The following PPIP5K2 variants were observed in gnomAD, a reference collection of about 807,000 sequenced individuals.
PPIP5K2 encodes the protein diphosphoinositol pentakisphosphate kinase 2, also known as inositol hexakisphosphate and diphosphoinositol-pentakisphosphate kinase 2.
Under a neutral mutation model 154.6 loss-of-function variants are expected in PPIP5K2, and 105 were observed. The observed-to-expected ratio is 0.68, with a 90% CI of 0.58 to 0.80. PPIP5K2 has a LOEUF of 0.80. Ranked by LOEUF, PPIP5K2 falls within the 30% of genes least tolerant of loss-of-function variation. The pLI is 0.00. For synonymous variants in PPIP5K2, 480 were observed against 490.3 expected, an observed-to-expected ratio of 0.98 and a Z score of 0.28; for missense variants, 992 against 1,504.6, an observed-to-expected ratio of 0.66 and a Z score of 5.64.
At position 103,120,328 on chromosome 5, in the gene PPIP5K2, C is replaced by T. The variant is rs910833969; in HGVS notation, c.-445C>T. The T allele has an allele frequency of 1.1e-5, 5 of 443,088 alleles. No individual in the cohort carries two copies. The highest frequency in any genetic ancestry group is 2.3e-5 in the Non-Finnish European group (5 of 218,838). The allele number at this position is 443,088 out of a possible 1,614,324, so 27.4% of individuals were successfully genotyped here. On this transcript the variant is annotated 5_prime_UTR_variant, in exon 1 of 31. Coordinates refer to ENST00000358359, the MANE Select transcript of PPIP5K2 (RefSeq NM_001276277.3). ...AGTAGCCTGAGGTTCCCTTATGTGG[C>T]CCTATAGCTGTTACTGAAGGAAGTA... is the stretch of plus-strand genomic sequence containing the variant.
intron 1 of PPIP5K2, among the ~76,000 whole-genome samples, chr5:103,126,606 G>A (rs1789721687): frequency 6.6e-6 from 1 of 152,166 alleles, no homozygotes; most frequent in African/African-American, 2.4e-5. Context: ...AATAGGCCAT[G>A]TGCAAGCTGA....
chr5:103,154,073 G>A lies in PPIP5K2; in HGVS notation c.1217+139G>A, dbSNP rs142095887. ...TGGCCATTTATATTTAAACCAGTGGGTGGGTACAAAATCCATTTAAAATAT... is the reference window on the plus strand; with the variant it reads ...TGGCCATTTATATTTAAACCAGTGGATGGGTACAAAATCCATTTAAAATAT... On this transcript the variant is annotated intron_variant, in intron 11 of 30. Coordinates refer to ENST00000358359, the MANE Select transcript of PPIP5K2 (RefSeq NM_001276277.3). 1.1e-3 allele frequency: 610 copies of A among 561,330 alleles called. 4 individuals are homozygous for A. In the East Asian group the frequency reaches 0.017, roughly 16 times the overall value. The allele number at this position is 561,330 out of a possible 1,614,324, so 34.8% of individuals were successfully genotyped here.
chr5:103,161,560 G>A (rs1303315315), intron 17 of PPIP5K2, among the ~76,000 whole-genome samples: 2 of 152,272 alleles, frequency 1.3e-5, no homozygotes, highest in Middle Eastern at 3.4e-3. Context: ...GGTTGAACTA[G>A]TTTACAGTCC....
At chr5:103,136,295 G>A (rs1409690656) in intron 3 of PPIP5K2, among the ~76,000 whole-genome samples, 6 of 152,140 alleles carry the variant, frequency 3.9e-5, no homozygotes, top group African/African-American at 1.4e-4. Flanking sequence ...AGGCACATAA[G>A]TCTTTGAATA....
intron 26 of PPIP5K2, among the ~76,000 whole-genome samples, chr5:103,185,969 A>G (rs1309006143): frequency 9.2e-5 from 14 of 151,878 alleles, no homozygotes; most frequent in African/African-American, 3.4e-4. Context: ...GCCCTTGGAA[A>G]TTGATTAACA....
At chr5:103,186,549 T>C in intron 27 of PPIP5K2, 110 bp downstream of exon 27, 1 of 1,463,796 alleles carries the variant, frequency 6.8e-7, no homozygotes, top group Non-Finnish European at 9.4e-7. Context: ...AGTGAAATCC[T>C]GTCATCTTTT....
chr5:103,157,423 T>G (rs1331003498), intron 14 of PPIP5K2, among the ~76,000 whole-genome samples: 1 of 152,212 alleles, frequency 6.6e-6, no homozygotes, highest in East Asian at 1.9e-4. Context: ...GAATAAATGT[T>G]AGGCTCTGTC....
chr5:103,126,033 T>C (rs993392945), intron 1 of PPIP5K2, among the ~76,000 whole-genome samples: 22 of 152,318 alleles, frequency 1.4e-4, no homozygotes, highest in South Asian at 6.2e-4. Context: ...CCTTACTCTT[T>C]CATGAACATG....
intron 24 of PPIP5K2, 48 bp downstream of exon 24, chr5:103,180,236 A>G: frequency 7.1e-7 from 1 of 1,408,310 alleles, no homozygotes; most frequent in South Asian, 1.6e-5. Context: ...AACTAACTAT[A>G]TTTTAATAAA....
chr5:103,172,317 A>G (rs1365962456), intron 19 of PPIP5K2, among the ~76,000 whole-genome samples: 1 of 150,608 alleles, frequency 6.6e-6, no homozygotes, highest in African/African-American at 2.4e-5. Flanking sequence ...ATCAGTCAGC[A>G]TTTTCTTTAT....
intron 21 of PPIP5K2, among the ~76,000 whole-genome samples, chr5:103,175,189 G>C (rs1798519629): frequency 6.6e-6 from 1 of 152,088 alleles, no homozygotes; most frequent in Non-Finnish European, 1.5e-5. Flanking sequence ...GTGATGATTT[G>C]GTATAGGTCT....
intron 5 of PPIP5K2, among the ~76,000 whole-genome samples, chr5:103,143,039 ATTTTCT>A (rs1793114529): frequency 6.6e-6 from 1 of 151,940 alleles, no homozygotes; most frequent in Non-Finnish European, 1.5e-5. Flanking sequence ...AGTTTTTAAA[ATTTTCT>A]TTTTATTTTC....
chr5:103,141,402 G>A (rs979918284), intron 5 of PPIP5K2, among the ~76,000 whole-genome samples: 2 of 151,860 alleles, frequency 1.3e-5, no homozygotes, highest in African/African-American at 4.8e-5. Context: ...GGAGTTGTTC[G>A]TTCCTCCCGG....
chr5:103,194,204 G>A (rs1408933561), intron 29 of PPIP5K2, among the ~76,000 whole-genome samples: 1 of 150,846 alleles, frequency 6.6e-6, no homozygotes, highest in East Asian at 2.0e-4. Context: ...GTCTTGCTCT[G>A]TCGCCCAGGC....
chr5:103,147,423 A>G (rs1364175913), intron 6 of PPIP5K2, among the ~76,000 whole-genome samples: 2 of 151,974 alleles, frequency 1.3e-5, no homozygotes, highest in African/African-American at 4.8e-5. Context: ...AAGATTTTTC[A>G]TTATCTTCAC....
intron 21 of PPIP5K2, 107 bp downstream of exon 21, chr5:103,174,079 A>G: frequency 1.2e-6 from 1 of 853,714 alleles, no homozygotes; most frequent in Non-Finnish European, 1.8e-6. Context: ...CTTAAGTTTT[A>G]CTACTTAATG....
rs143314075 is a variant in PPIP5K2 at position 103,171,825 on chromosome 5, CA to C, written c.2287-1329del. On this transcript the variant is annotated intron_variant, in intron 19 of 30. Coordinates refer to ENST00000358359, the MANE Select transcript of PPIP5K2 (RefSeq NM_001276277.3). ...TTTATGAAAACTGAATCAGAAAAAG[CA>C]TACTATTTTACAACCTAATTTTTTC... Among the ~76,000 whole-genome samples the C allele has an allele frequency of 2.6e-3, 401 of 151,622 alleles. 1 individual carries two copies. Among genetic ancestry groups the C allele is most frequent in the African/African-American group, 9.4e-3 (389 of 41,458 alleles).
chr5:103,141,029 C>T (rs924043771), intron 5 of PPIP5K2, among the ~76,000 whole-genome samples: 2 of 151,822 alleles, frequency 1.3e-5, no homozygotes, highest in Admixed American at 6.6e-5. Context: ...TAGAAAAAGA[C>T]GTTAAAAATA....
chr5:103,167,420 C>T, intron 18 of PPIP5K2, 100 bp downstream of exon 18: 1 of 1,021,274 alleles, frequency 9.8e-7, no homozygotes, highest in Non-Finnish European at 1.4e-6. Flanking sequence ...AATCAAGCCT[C>T]TCTTGAGAGC....
Sources: gnomAD v4.1 joint callset for allele counts (sites outside exome capture counted in the v4.1 genomes callset) on GRCh38, gnomAD v4.1.1 for gene constraint, MANE v1.5 for transcripts, NCBI Gene and HGNC (gene_info 2026-07-23, HGNC 2026-07-21) for gene names.